Variants in VKORC1L1 observed in about 807,000 individuals in gnomAD.
VKORC1L1 encodes the protein vitamin K epoxide reductase complex subunit 1-like protein 1.
A neutral mutation model predicts 18.9 loss-of-function variants in VKORC1L1; 2 were observed. The observed-to-expected ratio is 0.11, with a 90% CI of 0.04 to 0.33. The LOEUF (loss-of-function observed/expected upper bound fraction) is 0.33, where lower values mean the gene tolerates loss of function less well. Ranked by LOEUF, VKORC1L1 falls within the 10% of genes least tolerant of loss-of-function variation. The probability of loss-of-function intolerance (pLI) is 1.00; values close to 1 mark genes in which losing one functional copy is unlikely to be tolerated. For missense variants in VKORC1L1, 123 were observed against 224.1 expected (o/e 0.55, Z 2.88); for synonymous variants, 96 against 100.0 (o/e 0.96, Z 0.24).
In VKORC1L1 at chr7:65,873,579, G is replaced by T. The variant is rs1788769645; in HGVS notation, c.194+14G>T. The T allele has an allele frequency of 6.5e-7, 1 of 1,529,240 alleles. No individual in the cohort carries two copies. The highest frequency in any genetic ancestry group is 8.8e-7 in the Non-Finnish European group (1 of 1,141,462). The allele number at this position is 1,529,240 out of a possible 1,614,324, so 94.7% of individuals were successfully genotyped here. A position where few individuals can be genotyped will look rare whatever the true frequency, so the allele number is the denominator to read the frequency against. ...CCTTGCCTCCAGGTAGCCGGCTTGG[G>T]GGAGTGGGCCAGGAGCGGCCGAGCG... On this transcript the variant is annotated intron_variant, in intron 1 of 2. Coordinates refer to ENST00000360768, the MANE Select transcript of VKORC1L1 (RefSeq NM_173517.6).
chr7:65,879,577 G>C (rs1193643816), intron 1 of VKORC1L1, among the ~76,000 whole-genome samples: 1 of 152,140 alleles, frequency 6.6e-6, no homozygotes, highest in East Asian at 1.9e-4. Flanking sequence ...GATCCAGGTA[G>C]TACAGTGGCA....
At chr7:65,869,211 G>T (rs931496978), upstream of VKORC1L1, among the ~76,000 whole-genome samples, 2 of 151,844 alleles carry the variant, frequency 1.3e-5, no homozygotes, top group Non-Finnish European at 2.9e-5. Flanking sequence ...GCTACTCAAA[G>T]GCTGAGGCAG....
chr7:65,949,403 C>T (rs528707761), intron 2 of VKORC1L1, among the ~76,000 whole-genome samples: 2 of 152,064 alleles, frequency 1.3e-5, no homozygotes, highest in South Asian at 4.2e-4. Flanking sequence ...CACTTGAACC[C>T]GGGAGACGGA....
intron 1 of VKORC1L1, among the ~76,000 whole-genome samples, chr7:65,875,821 G>C (rs1788818396): frequency 6.6e-6 from 1 of 152,114 alleles, no homozygotes; most frequent in Non-Finnish European, 1.5e-5. Context: ...GACTCTTTTA[G>C]GAAAAGAAAG....
At chr7:65,906,973 T>TA (rs963729070) in intron 1 of VKORC1L1, among the ~76,000 whole-genome samples, 7 of 152,156 alleles carry the variant, frequency 4.6e-5, no homozygotes, top group Non-Finnish European at 1.0e-4. Context: ...ACAGCCCCTA[T>TA]ACAAGGGTGG....
intron 2 of VKORC1L1, among the ~76,000 whole-genome samples, chr7:65,953,664 G>T (rs562431114): frequency 5.3e-5 from 8 of 152,334 alleles, no homozygotes; most frequent in African/African-American, 1.4e-4. Context: ...GGAGGCTGAG[G>T]CAGGAGGATC....
chr7:65,873,266 C>G lies in VKORC1L1; in HGVS notation c.-106C>G, dbSNP rs909922589. Reference sequence around the variant, plus strand: ...GCGGCGGCGGCGGCGGTGGTGGCGGCGGCGGCGGAGGCGGCGGTGGCGGCG... The same window carrying G: ...GCGGCGGCGGCGGCGGTGGTGGCGGGGGCGGCGGAGGCGGCGGTGGCGGCG... On this transcript the variant is annotated 5_prime_UTR_variant, in exon 1 of 3. Coordinates refer to ENST00000360768, the MANE Select transcript of VKORC1L1 (RefSeq NM_173517.6). 1 of 981,372 alleles carries G rather than the reference C, an allele frequency of 1.0e-6. No individual in the cohort carries two copies. The highest frequency in any genetic ancestry group is 5.1e-4 in the Middle Eastern group (1 of 1,956). 60.8% of individuals were successfully genotyped at this position (981,372 alleles called of 1,614,324 possible).
chr7:65,898,164 C>T (rs931820143), intron 1 of VKORC1L1, among the ~76,000 whole-genome samples: 2 of 141,576 alleles, frequency 1.4e-5, no homozygotes, highest in African/African-American at 5.2e-5. Context: ...TCTCGGCTCA[C>T]TGCAACCTCT....
intron 1 of VKORC1L1, among the ~76,000 whole-genome samples, chr7:65,909,690 T>TTGTG (rs56074368): frequency 0.24 from 29,842 of 123,524 alleles, 4,162 homozygotes; most frequent in Admixed American, 0.3. Flanking sequence ...GTTTTAGCCT[T>TTGTG]TGTGTGTGTG....
In VKORC1L1 at chr7:65,920,635, T is replaced by C. The variant is rs73370678; in HGVS notation, c.195-28036T>C. On this transcript the variant is annotated intron_variant, in intron 1 of 2. Transcript: ENST00000360768. ...GTGTCAAAAGCTGGGATCTGAAAGA[T>C]GAGAATTAAGTAGCTTCTGTGGTGT... 1.2e-3 allele frequency among the ~76,000 whole-genome samples: 187 copies of C among 152,164 alleles called. 1 individual carries two copies. Among genetic ancestry groups the C allele is most frequent in the African/African-American group, 4.4e-3 (183 of 41,520 alleles).
At chr7:65,936,781 C>T (rs1455600760) in intron 1 of VKORC1L1, among the ~76,000 whole-genome samples, 1 of 152,222 alleles carries the variant, frequency 6.6e-6, no homozygotes, top group African/African-American at 2.4e-5. Flanking sequence ...CGCTGTTTCT[C>T]TTGCTAGAAA....
intron 1 of VKORC1L1, among the ~76,000 whole-genome samples, chr7:65,914,752 G>A (rs1789558220): frequency 6.6e-6 from 1 of 152,040 alleles, no homozygotes; most frequent in African/African-American, 2.4e-5. Context: ...GTAAGTCCAG[G>A]ACTTTGAGAG....
chr7:65,933,077 C>CAAAAAA (rs59403784), intron 1 of VKORC1L1, among the ~76,000 whole-genome samples: 2 of 65,344 alleles, frequency 3.1e-5, no homozygotes, highest in Non-Finnish European at 6.3e-5. Context: ...GACTTCGTCT[C>CAAAAAA]AAAAAAAAAA....
intron 1 of VKORC1L1, among the ~76,000 whole-genome samples, chr7:65,890,124 A>ATT (rs35228954): frequency 1.6e-3 from 141 of 90,426 alleles, no homozygotes; most frequent in Middle Eastern, 7.1e-3. Flanking sequence ...CACCTGGGTA[A>ATT]TTTTTTTTTT....
chr7:65,873,900 G>C (rs1419446486), intron 1 of VKORC1L1, among the ~76,000 whole-genome samples: 2 of 152,158 alleles, frequency 1.3e-5, no homozygotes, highest in South Asian at 2.1e-4. Context: ...GGCTGCGGAG[G>C]GTGGGTCCAG....
At chr7:65,900,653 A>G (rs1789299893) in intron 1 of VKORC1L1, among the ~76,000 whole-genome samples, 1 of 151,754 alleles carries the variant, frequency 6.6e-6, no homozygotes, top group Non-Finnish European at 1.5e-5. Context: ...AAATACAAAT[A>G]TTAGAACTGG....
intron 1 of VKORC1L1, among the ~76,000 whole-genome samples, chr7:65,896,778 A>G (rs1583832371): frequency 6.6e-6 from 1 of 152,148 alleles, no homozygotes; most frequent in Non-Finnish European, 1.5e-5. Context: ...AGGCAGGCTG[A>G]TCACTTGAAG....
Position 65,954,686 on chromosome 7 carries a change from C to T in VKORC1L1, c.*386C>T, listed in dbSNP as rs1384332579. 8.1e-6 allele frequency: 2 copies of T among 246,236 alleles called. No homozygotes were observed. The highest frequency in any genetic ancestry group is 4.9e-5 in the Admixed American group (1 of 20,366). The allele number at this position is 246,236 out of a possible 1,614,324, so 15.3% of individuals were successfully genotyped here. On this transcript the variant is annotated 3_prime_UTR_variant, in exon 3 of 3. Transcript: ENST00000360768. ...AATGTGATCATGACATGAAAATATT[C>T]TAGAATAGATACTGTATTAAATATT...
chr7:65,892,166 ATTTTCT>A (rs1220170362), intron 1 of VKORC1L1, among the ~76,000 whole-genome samples: 1 of 151,774 alleles, frequency 6.6e-6, no homozygotes, highest in Non-Finnish European at 1.5e-5. Context: ...TAAGTGCCAC[ATTTTCT>A]TTATCCATTC....
Sources: gnomAD v4.1 joint callset for allele counts (sites outside exome capture counted in the v4.1 genomes callset) on GRCh38, gnomAD v4.1.1 for gene constraint, MANE v1.5 for transcripts, NCBI Gene and HGNC (gene_info 2026-07-23, HGNC 2026-07-21) for gene names.